Variants in NELL1 observed in about 807,000 individuals in gnomAD.
NELL1 encodes neural EGFL like 1.
A neutral mutation model predicts 107.4 loss-of-function variants in NELL1; 76 were observed. The observed-to-expected ratio is 0.71, with a 90% confidence interval of 0.59 to 0.86. The LOEUF (loss-of-function observed/expected upper bound fraction) is 0.86. NELL1 is among the 40% of genes least tolerant of loss of function. The pLI, the probability that NELL1 is intolerant of heterozygous loss-of-function variation, is 0.00. For synonymous variants in NELL1, 353 were observed against 341.2 expected (o/e 1.03, Z -0.38); for missense variants, 1,024 against 1,005.5 (o/e 1.02, Z -0.25).
At chr11:21,403,436 C>T (rs1207085501) in intron 15 of NELL1, among the ~76,000 whole-genome samples, 1 of 151,676 alleles carries the variant, frequency 6.6e-6, no homozygotes, top group Non-Finnish European at 1.5e-5. Context: ...GGATAGTAGC[C>T]TGATCTTAGG....
At chr11:20,948,167 C>CA (rs1185636693) in intron 11 of NELL1, among the ~76,000 whole-genome samples, 3 of 152,028 alleles carry the variant, frequency 2.0e-5, no homozygotes, top group African/African-American at 4.8e-5. Flanking sequence ...CTAAGCCTCC[C>CA]AAGTAGCTGG....
At chr11:20,983,975 C>T (rs1169922272) in intron 12 of NELL1, among the ~76,000 whole-genome samples, 1 of 152,122 alleles carries the variant, frequency 6.6e-6, no homozygotes, top group African/African-American at 2.4e-5. Context: ...AACATATCTT[C>T]TAGTCCCTCT....
intron 11 of NELL1, among the ~76,000 whole-genome samples, chr11:20,952,990 A>G (rs1021785228): frequency 3.9e-5 from 6 of 152,166 alleles, no homozygotes; most frequent in Non-Finnish European, 5.9e-5. Context: ...CACTTTCAAG[A>G]GCCCAGGCTT....
At chr11:20,766,725 A>G (rs1309115494) in intron 2 of NELL1, among the ~76,000 whole-genome samples, 1 of 149,342 alleles carries the variant, frequency 6.7e-6, no homozygotes, top group Non-Finnish European at 1.5e-5. Context: ...TTTAAATCCT[A>G]TTTCCTATTG....
At chr11:20,672,414 G>A (rs940983632) in intron 1 of NELL1, among the ~76,000 whole-genome samples, 4 of 152,216 alleles carry the variant, frequency 2.6e-5, no homozygotes, top group African/African-American at 9.6e-5. Flanking sequence ...GATGATATCA[G>A]GCACATTTTA....
chr11:20,960,688 C>A, intron 12 of NELL1, 128 bp downstream of exon 12: 1 of 1,056,818 alleles, frequency 9.5e-7, no homozygotes, highest in Non-Finnish European at 1.4e-6. Flanking sequence ...GAAATCATAT[C>A]AATTGCTGAG....
rs116333480 is a variant in NELL1, at chr11:20,826,360, G to A, written c.336-21223G>A. ...GAAGGAGAACAAGAAGAAGTCAAGA[G>A]CATTCTCCTTACATGCATTACTTTC... is the stretch of plus-strand genomic sequence containing the variant. On this transcript the variant is annotated intron_variant, in intron 3 of 19. Coordinates refer to ENST00000357134, the MANE Select transcript of NELL1 (RefSeq NM_006157.5). Among the ~76,000 whole-genome samples the A allele has an allele frequency of 2.8e-3, 429 of 151,380 alleles. 4 individuals carry two copies. Among genetic ancestry groups the A allele is most frequent in the African/African-American group, 1.0e-2 (414 of 41,472 alleles).
chr11:21,489,510 A>C (rs1854743884), intron 15 of NELL1, among the ~76,000 whole-genome samples: 1 of 151,980 alleles, frequency 6.6e-6, no homozygotes, highest in South Asian at 2.1e-4. Context: ...CTATAGGCCA[A>C]TATCCCTGAT....
chr11:21,336,457 T>A (rs944141702), intron 14 of NELL1, among the ~76,000 whole-genome samples: 6 of 151,878 alleles, frequency 4.0e-5, no homozygotes, highest in Non-Finnish European at 7.4e-5. Context: ...AGAATCTAGG[T>A]TGTTTCCACT....
intron 14 of NELL1, among the ~76,000 whole-genome samples, chr11:21,334,822 A>G (rs1379816033): frequency 1.3e-5 from 2 of 151,934 alleles, no homozygotes; most frequent in Non-Finnish European, 2.9e-5. Context: ...TTGTATGTCA[A>G]TATGCTGTAT....
chr11:21,426,720 G>A (rs1026690531), intron 15 of NELL1, among the ~76,000 whole-genome samples: 2 of 152,100 alleles, frequency 1.3e-5, no homozygotes, highest in African/African-American at 2.4e-5. Context: ...GTGTGTATCA[G>A]GCAGGGTGCA....
chr11:20,839,340 G>A (rs1430458711), intron 3 of NELL1, among the ~76,000 whole-genome samples: 1 of 152,136 alleles, frequency 6.6e-6, no homozygotes, highest in Non-Finnish European at 1.5e-5. Flanking sequence ...CTTGCTATAT[G>A]TTTGCTAAGA....
At chr11:21,296,676 A>T (rs1849383100) in intron 14 of NELL1, among the ~76,000 whole-genome samples, 1 of 152,006 alleles carries the variant, frequency 6.6e-6, no homozygotes, top group Non-Finnish European at 1.5e-5. Flanking sequence ...TGGAAAAGGC[A>T]TCAAATACAG....
At chr11:21,357,024 A>G (rs185002255) in intron 14 of NELL1, among the ~76,000 whole-genome samples, 1 of 152,304 alleles carries the variant, frequency 6.6e-6, no homozygotes, top group East Asian at 1.9e-4. Flanking sequence ...TGCTGTATAT[A>G]TACCACATTT....
intron 12 of NELL1, among the ~76,000 whole-genome samples, chr11:20,986,210 G>A (rs979538306): frequency 1.3e-5 from 2 of 152,124 alleles, no homozygotes; most frequent in Admixed American, 1.3e-4. Flanking sequence ...AGCAGACTAG[G>A]CAATACTTCA....
intron 12 of NELL1, among the ~76,000 whole-genome samples, chr11:21,063,240 T>C (rs769625291): frequency 5.9e-5 from 9 of 152,070 alleles, no homozygotes; most frequent in Non-Finnish European, 1.0e-4. Flanking sequence ...GCACAGAGCT[T>C]CCATGGCTTC....
chr11:20,977,683 G>T (rs929826635), intron 12 of NELL1, among the ~76,000 whole-genome samples: 2 of 152,282 alleles, frequency 1.3e-5, no homozygotes, highest in African/African-American at 2.4e-5. Context: ...TGGAGAGCAG[G>T]CTCCAAGATG....
At chr11:20,766,384 A>T (rs114912435) in intron 2 of NELL1, among the ~76,000 whole-genome samples, 1 of 152,186 alleles carries the variant, frequency 6.6e-6, no homozygotes, top group African/African-American at 2.4e-5. Flanking sequence ...TGCTTGTTTT[A>T]TTGGAAAGGA....
intron 15 of NELL1, among the ~76,000 whole-genome samples, chr11:21,467,263 A>G (rs1854055286): frequency 6.6e-6 from 1 of 152,120 alleles, no homozygotes; most frequent in African/African-American, 2.4e-5. Flanking sequence ...TCAGCTGTAA[A>G]TTGGAGATAG....
Sources: allele counts gnomAD v4.1 joint callset (sites outside exome capture counted in the v4.1 genomes callset), GRCh38; gene constraint gnomAD v4.1.1; transcripts MANE v1.5; gene names NCBI Gene and HGNC (gene_info 2026-07-23, HGNC 2026-07-21).